Variants in TENM3 observed in about 807,000 individuals in gnomAD.
TENM3 encodes teneurin-3.
In TENM3, 63 loss-of-function variants were observed where a neutral mutation model predicts 255.1. That is an observed-to-expected ratio of 0.25 (90% CI 0.20 to 0.30). The LOEUF is 0.30. Among genes scored for constraint, TENM3 ranks in the 10% least tolerant of loss-of-function variants. TENM3 has a pLI of 1.00. For synonymous variants in TENM3, 1,306 were observed against 1,322.3 expected (o/e 0.99, Z 0.27); for missense variants, 2,929 against 3,461.1 (o/e 0.85, Z 3.86).
chr4:182,380,144 G>C (rs536692139), intron 3 of TENM3, among the ~76,000 whole-genome samples: 2 of 152,154 alleles, frequency 1.3e-5, no homozygotes, highest in South Asian at 2.1e-4. Context: ...GGTGGCAGGT[G>C]CCTGTAATCC....
At chr4:182,740,194 G>A (rs1050938518) in intron 18 of TENM3, among the ~76,000 whole-genome samples, 5 of 152,100 alleles carry the variant, frequency 3.3e-5, no homozygotes, top group Non-Finnish European at 5.9e-5. Context: ...TTCCAGTTAC[G>A]TCCTGGACAT....
chr4:182,772,515 C>T (rs1764328658), intron 22 of TENM3: 1 of 151,858 alleles, frequency 6.6e-6, no homozygotes, highest in South Asian at 2.1e-4. Context: ...ATATTGTGGT[C>T]CCAAGGAAAC....
the TENM3 span, among the ~76,000 whole-genome samples, chr4:182,102,229 G>C: frequency 1.3e-3 from 201 of 152,274 alleles, no homozygotes; most frequent in African/African-American, 4.6e-3. Flanking sequence ...AGCATAAGAG[G>C]TTCCAGCAGT....
chr4:182,528,396 C>G (rs768480172), intron 3 of TENM3, among the ~76,000 whole-genome samples: 1 of 152,062 alleles, frequency 6.6e-6, no homozygotes, highest in Non-Finnish European at 1.5e-5. Flanking sequence ...AGTGCCTGCT[C>G]CTAGAATCAG....
the TENM3 span, among the ~76,000 whole-genome samples, chr4:181,578,970 G>A: frequency 1.3e-5 from 2 of 152,118 alleles, no homozygotes; most frequent in African/African-American, 4.8e-5. Context: ...GCAAACCGCT[G>A]GAAAAGCCTC....
intron 1 of TENM3, among the ~76,000 whole-genome samples, chr4:182,298,509 A>G (rs534009283): frequency 6.6e-6 from 1 of 152,366 alleles, no homozygotes; most frequent in South Asian, 2.1e-4. Context: ...GAAACATTAC[A>G]TAAAAATGGA....
intron 4 of TENM3, among the ~76,000 whole-genome samples, chr4:182,624,212 A>C (rs1254960222): frequency 6.6e-6 from 1 of 152,168 alleles, no homozygotes. Context: ...TTTCTAGTCT[A>C]AGGGGAATCT....
chr4:181,864,679 T>A, the TENM3 span, among the ~76,000 whole-genome samples: 1 of 152,084 alleles, frequency 6.6e-6, no homozygotes, highest in Non-Finnish European at 1.5e-5. Context: ...TATGATAGGA[T>A]GACAACAAGC....
At chr4:182,631,488 C>A (rs1271613829) in intron 5 of TENM3, 1 of 152,072 alleles carries the variant, frequency 6.6e-6, no homozygotes, top group Non-Finnish European at 1.5e-5. Context: ...CATGGTAAAT[C>A]TTTTTTGATT....
rs528837079 is a variant in TENM3 at position 182,346,907 on chromosome 4, A to G, written c.489A>G (p.Glu163=). The change falls in exon 3 of 28, where the codon GAA becomes GAG. Residue 163 remains glutamate (E), a synonymous_variant. Transcript: ENST00000511685. ...TCACCCTGACAGATACGGAGCACGA[A>G]AACAAGTCCGACAGTGAGAATGGTA... ...SALTLTDTEH[E]NKSDSENEQP... 25 of 1,609,542 alleles carry G rather than the reference A, an allele frequency of 1.6e-5. No homozygotes were observed. In the South Asian group the frequency reaches 2.6e-4, roughly 17 times the overall value.
At chr4:182,401,504 A>C (rs1769212508) in intron 3 of TENM3, among the ~76,000 whole-genome samples, 1 of 152,192 alleles carries the variant, frequency 6.6e-6, no homozygotes. Flanking sequence ...ATAAGGCCAA[A>C]CTTTGTGCCA....
the TENM3 span, among the ~76,000 whole-genome samples, chr4:182,007,910 C>T: frequency 6.6e-6 from 1 of 152,108 alleles, no homozygotes; most frequent in Admixed American, 6.6e-5. Flanking sequence ...CTCTTGCAGG[C>T]CAGACCTGGT....
chr4:182,736,364 TGTCTGCTC>T (rs1761164983), intron 16 of TENM3, among the ~76,000 whole-genome samples: 1 of 152,232 alleles, frequency 6.6e-6, no homozygotes, highest in Non-Finnish European at 1.5e-5. Flanking sequence ...ATCTTACAAA[TGTCTGCTC>T]TAATTCTCCA....
At chr4:182,558,910 T>C (rs144434811) in intron 3 of TENM3, among the ~76,000 whole-genome samples, 30 of 152,244 alleles carry the variant, frequency 2.0e-4, no homozygotes, top group African/African-American at 5.1e-4. Flanking sequence ...AAAATTATGA[T>C]GTAAAAGAAT....
the TENM3 span, among the ~76,000 whole-genome samples, chr4:181,490,592 T>G: frequency 6.6e-6 from 1 of 152,200 alleles, no homozygotes; most frequent in African/African-American, 2.4e-5. Context: ...GTAGTCATTT[T>G]TATGGAGTTT....
the TENM3 span, among the ~76,000 whole-genome samples, chr4:182,101,391 A>AGTT: frequency 6.6e-6 from 1 of 152,002 alleles, no homozygotes; most frequent in Admixed American, 6.6e-5. Context: ...AATCTTCAAT[A>AGTT]GTTACACTTA....
intron 3 of TENM3, among the ~76,000 whole-genome samples, chr4:182,358,524 G>T (rs1232336706): frequency 6.7e-6 from 1 of 148,682 alleles, no homozygotes; most frequent in Non-Finnish European, 1.5e-5. Context: ...CTGTTTGTCT[G>T]TTATCGGTGT....
At chr4:182,538,112 T>C (rs1010165450) in intron 3 of TENM3, among the ~76,000 whole-genome samples, 13 of 152,216 alleles carry the variant, frequency 8.5e-5, no homozygotes, top group African/African-American at 2.9e-4. Flanking sequence ...TTTTAGATAG[T>C]GTTTTTTATG....
At chr4:182,650,023 T>A (rs1458911479) in intron 5 of TENM3, among the ~76,000 whole-genome samples, 1 of 150,578 alleles carries the variant, frequency 6.6e-6, no homozygotes, top group African/African-American at 2.4e-5. Context: ...AACTCTCAAC[T>A]AATCTCCACT....
Sources: gnomAD v4.1 joint callset for allele counts (sites outside exome capture counted in the v4.1 genomes callset) on GRCh38, gnomAD v4.1.1 for gene constraint, MANE v1.5 for transcripts, NCBI Gene and HGNC (gene_info 2026-07-23, HGNC 2026-07-21) for gene names.